FAM222A: variants seen among roughly 807,000 people sequenced by gnomAD.
FAM222A encodes the protein protein FAM222A.
FAM222A carries 7 observed loss-of-function variants against 25.8 expected under a neutral mutation model. That is an observed-to-expected ratio of 0.27 (90% CI 0.15 to 0.51). The LOEUF (loss-of-function observed/expected upper bound fraction) is 0.51. Ranked by LOEUF, FAM222A falls within the 20% of genes least tolerant of loss-of-function variation. The pLI, the probability that FAM222A is intolerant of heterozygous loss-of-function variation, is 0.97. For synonymous variants in FAM222A, 294 were observed against 298.8 expected (o/e 0.98, Z 0.17); for missense variants, 573 against 640.5 (o/e 0.89, Z 1.14).
intron 1 of FAM222A, among the ~76,000 whole-genome samples, chr12:109,718,749 A>G (rs1054572204): frequency 2.0e-5 from 3 of 152,258 alleles, no homozygotes; most frequent in Admixed American, 1.3e-4. Context: ...TTTGCATCCA[A>G]GGTAATCACT....
chr12:109,741,351 CAGCTGCCCTGGCAA>C (rs1888236324), intron 1 of FAM222A, among the ~76,000 whole-genome samples: 1 of 152,296 alleles, frequency 6.6e-6, no homozygotes, highest in African/African-American at 2.4e-5. Flanking sequence ...AGGATGTAGG[CAGCTGCCCTGGCAA>C]AGCTGAGCCA....
rs540689300 is a variant in FAM222A, at chr12:109,755,287, C to CTTT, written c.82+11099_82+11101dup. On this transcript the variant is annotated intron_variant, in intron 2 of 2. Transcript: ENST00000538780. ...TCTTCCATTTAGGTCTGTAATTCTTCTTTTTTTTTTTTTTTTTTTTTTTTT... is the reference window on the plus strand; with the variant it reads ...TCTTCCATTTAGGTCTGTAATTCTTCTTTTTTTTTTTTTTTTTTTTTTTTTTTT... 1.5e-3 allele frequency among the ~76,000 whole-genome samples: 73 copies of CTTT among 49,420 alleles called. 2 individuals carry two copies. Among genetic ancestry groups the CTTT allele is most frequent in the Non-Finnish European group, 2.2e-3 (64 of 29,156 alleles). The allele number at this position is 49,420 out of a possible 152,430, so 32.4% of individuals were successfully genotyped here.
intron 1 of FAM222A, among the ~76,000 whole-genome samples, chr12:109,725,897 C>G (rs979021513): frequency 3.6e-4 from 54 of 152,022 alleles, no homozygotes; most frequent in African/African-American, 1.2e-3. Flanking sequence ...ACAGTGTTCC[C>G]GGGCGCCCGG....
Position 109,768,585 on chromosome 12 carries a change from C to T in FAM222A, c.656C>T (p.Ala219Val). Reference protein sequence around the residue: ...QCQAPGAAPPACQGMAIPHPS... With the variant: ...QCQAPGAAPPVCQGMAIPHPS... ...CAGGCCCCGGGCGCCGCACCCCCTG[C>T]CTGCCAGGGCATGGCTATTCCCCAT... Residue 219 changes from alanine to valine, a missense_variant, in exon 3 of 3, where the codon GCC becomes GTC. This residue lies in a region of FAM222A where 412 missense variants were observed against 407.0 expected (regional missense o/e 1.01). Coordinates refer to ENST00000538780, the MANE Select transcript of FAM222A (RefSeq NM_032829.3). 2 of 1,602,108 alleles carry T rather than the reference C, an allele frequency of 1.2e-6. No individual in the cohort carries two copies. Among genetic ancestry groups the T allele is most frequent in the Non-Finnish European group, 8.5e-7 (1 of 1,176,564 alleles).
chr12:109,736,055 TC>T (rs1888077597), intron 1 of FAM222A: 2 of 152,342 alleles, frequency 1.3e-5, no homozygotes, highest in Non-Finnish European at 2.9e-5. Flanking sequence ...CTTCTCTGAG[TC>T]CCTGTCCTGA....
intron 1 of FAM222A, among the ~76,000 whole-genome samples, chr12:109,717,506 G>T (rs1004847811): frequency 6.6e-6 from 1 of 152,304 alleles, no homozygotes; most frequent in South Asian, 2.1e-4. Flanking sequence ...GGACAAATAG[G>T]AATGTGCCAG....
chr12:109,752,046 CA>C (rs1046956155), intron 2 of FAM222A, among the ~76,000 whole-genome samples: 3 of 151,482 alleles, frequency 2.0e-5, no homozygotes, highest in African/African-American at 7.3e-5. Context: ...TGCATCTGTG[CA>C]AAAAAAAATT....
chr12:109,768,270 G>C lies in FAM222A; in HGVS notation c.341G>C (p.Ser114Thr). The stretch of plus-strand genomic sequence containing the variant: ...GTCAAGGCCGCGGTTTCCTCCTCCA[G>C]CACGGCCGCACCAGCTGGGCCCGCC... Reference protein sequence around the residue: ...AIVKAAVSSSSTAAPAGPAKS... With the variant: ...AIVKAAVSSSTTAAPAGPAKS... The change falls in exon 3 of 3, where the codon AGC (serine) becomes ACC (threonine). Residue 114 changes from serine (S) to threonine (T), a missense_variant. This residue lies in a region of FAM222A where 412 missense variants were observed against 407.0 expected (regional missense o/e 1.01). Transcript: ENST00000538780. 6.2e-7 allele frequency: 1 copy of C among 1,606,768 alleles called. No homozygotes were observed. Among genetic ancestry groups the C allele is most frequent in the Non-Finnish European group, 8.5e-7 (1 of 1,177,450 alleles).
intron 1 of FAM222A, among the ~76,000 whole-genome samples, chr12:109,730,189 G>A (rs370253514): frequency 1.2e-4 from 18 of 152,178 alleles, no homozygotes; most frequent in African/African-American, 4.3e-4. Context: ...CCTACAGGCC[G>A]AGGGGCTGTT....
intron 1 of FAM222A, chr12:109,720,200 C>G (rs1887722564): frequency 1.0e-6 from 1 of 985,224 alleles, no homozygotes; most frequent in African/African-American, 1.7e-5. Context: ...CCCTGGGGGC[C>G]CCTGCTATTG....
intron 2 of FAM222A, among the ~76,000 whole-genome samples, chr12:109,759,955 C>T (rs1459245514): frequency 6.6e-6 from 1 of 152,192 alleles, no homozygotes; most frequent in Admixed American, 6.6e-5. Flanking sequence ...ACAGCTACAG[C>T]ATGGGGGTCC....
chr12:109,754,754 A>C (rs1888668829), intron 2 of FAM222A, among the ~76,000 whole-genome samples: 1 of 150,778 alleles, frequency 6.6e-6, no homozygotes, highest in African/African-American at 2.4e-5. Flanking sequence ...TACAGCCTCG[A>C]CCTCCTGGGC....
Position 109,769,586 on chromosome 12 carries a change from A to C in FAM222A, c.*298A>C. The C allele has an allele frequency of 9.3e-6, 4 of 428,590 alleles. No homozygotes were observed. The highest frequency in any genetic ancestry group is 1.3e-5 in the Non-Finnish European group (3 of 238,668). The allele number at this position is 428,590 out of a possible 1,614,324, so 26.5% of individuals were successfully genotyped here. On this transcript the variant is annotated 3_prime_UTR_variant, in exon 3 of 3. Coordinates refer to ENST00000538780, the MANE Select transcript of FAM222A (RefSeq NM_032829.3). The stretch of plus-strand genomic sequence containing the variant: ...TGGCAGAGGCAGGGAGAGAGAAACC[A>C]CTCAAAAACAGGAATGGTTCTTTCT...
chr12:109,738,577 A>G (rs1165223815), intron 1 of FAM222A, among the ~76,000 whole-genome samples: 1 of 152,192 alleles, frequency 6.6e-6, no homozygotes, highest in Non-Finnish European at 1.5e-5. Flanking sequence ...AGTGGCCAGC[A>G]TCTCATTCAC....
rs1374580458 is a variant in FAM222A at position 109,769,156 on chromosome 12, G to T, written c.1227G>T (p.Leu409=). 1 of 1,612,490 alleles carries T rather than the reference G, an allele frequency of 6.2e-7. No homozygotes were observed. Among genetic ancestry groups the T allele is most frequent in the Non-Finnish European group, 8.5e-7 (1 of 1,179,884 alleles). The change falls in exon 3 of 3, where the codon CTG becomes CTT. Residue 409 remains leucine, a synonymous_variant. Transcript: ENST00000538780. ...TGCTGAGCAGCAGCCTGCAGTCACTGGAGTATCTCATCAACGACATCCGGC... is the reference window on the plus strand; with the variant it reads ...TGCTGAGCAGCAGCCTGCAGTCACTTGAGTATCTCATCAACGACATCCGGC... ...TSVLSSSLQS[L]EYLINDIRPP...
chr12:109,767,333 G>A (rs1044071358), intron 2 of FAM222A, among the ~76,000 whole-genome samples: 9 of 152,126 alleles, frequency 5.9e-5, no homozygotes, highest in African/African-American at 1.9e-4. Flanking sequence ...TTTAAGACTG[G>A]CCTGGCCAAC....
At chr12:109,729,930 C>T (rs553514921) in intron 1 of FAM222A, among the ~76,000 whole-genome samples, 32 of 152,382 alleles carry the variant, frequency 2.1e-4, no homozygotes, top group Non-Finnish European at 4.3e-4. Flanking sequence ...AGCTAGCTGA[C>T]CTGCCTGAGG....
chr12:109,730,361 G>C (rs1049087747), intron 1 of FAM222A, among the ~76,000 whole-genome samples: 4 of 149,792 alleles, frequency 2.7e-5, no homozygotes, highest in Non-Finnish European at 4.5e-5. Context: ...TTCTGCAGGC[G>C]AGTGGCTGCC....
At chr12:109,749,352 C>T (rs998634954) in intron 2 of FAM222A, among the ~76,000 whole-genome samples, 2 of 152,188 alleles carry the variant, frequency 1.3e-5, no homozygotes, top group Non-Finnish European at 2.9e-5. Flanking sequence ...GTGATTTGCC[C>T]ACCTCAGCCT....
Sources: gnomAD v4.1 joint callset for allele counts (sites outside exome capture counted in the v4.1 genomes callset) on GRCh38, gnomAD v4.1.1 for gene constraint, gnomAD v4.1.1 regional missense constraint, MANE v1.5 for transcripts, NCBI Gene and HGNC (gene_info 2026-07-23, HGNC 2026-07-21) for gene names.